The following COPG2 variants were observed in gnomAD, a reference collection of about 807,000 sequenced individuals.
The protein encoded by COPG2 is coatomer subunit gamma-2.
A neutral mutation model predicts 46.3 loss-of-function variants in COPG2; 37 were observed. The observed-to-expected ratio is 0.80, with a 90% CI of 0.61 to 1.05. The LOEUF (loss-of-function observed/expected upper bound fraction) is 1.05, where lower values mean the gene tolerates loss of function less well. COPG2 is among the 50% of genes least tolerant of loss of function. COPG2 has a pLI of 0.00. For synonymous variants in COPG2, 159 were observed against 129.7 expected (o/e 1.23, Z -1.53); for missense variants, 427 against 387.8 (o/e 1.10, Z -0.85).
intron 20 of COPG2, among the ~76,000 whole-genome samples, chr7:130,523,621 G>T (rs1447967020): frequency 6.6e-6 from 1 of 152,202 alleles, no homozygotes; most frequent in Non-Finnish European, 1.5e-5. Context: ...TAGCTGAAAA[G>T]GCAATGGGAC....
intron 5 of COPG2, among the ~76,000 whole-genome samples, chr7:130,642,024 T>G (rs1795499928): frequency 6.6e-6 from 1 of 152,176 alleles, no homozygotes; most frequent in South Asian, 2.1e-4. Flanking sequence ...CTAATGTGAG[T>G]GATGGATCAT....
At chr7:130,522,695 G>T (rs991102734) in intron 20 of COPG2, among the ~76,000 whole-genome samples, 5 of 151,998 alleles carry the variant, frequency 3.3e-5, no homozygotes, top group Admixed American at 3.3e-4. Flanking sequence ...TGCTTCCATG[G>T]GAAGACTACC....
At chr7:130,631,339 G>A (rs1008725116) in intron 5 of COPG2, among the ~76,000 whole-genome samples, 4 of 151,864 alleles carry the variant, frequency 2.6e-5, no homozygotes, top group Non-Finnish European at 5.9e-5. Context: ...TGTATTCTTA[G>A]TAGAGATGGG....
chr7:130,655,723 C>A (rs1194685841), intron 4 of COPG2, among the ~76,000 whole-genome samples: 4 of 152,164 alleles, frequency 2.6e-5, no homozygotes, highest in African/African-American at 9.7e-5. Context: ...TGATCTAGTA[C>A]AATCCTAGGG....
At position 130,564,260 on chromosome 7, in the gene COPG2, C is replaced by A. The variant is rs911362493; in HGVS notation, c.871G>T (p.Val291Phe). ...GCCAGCCATCAAATATAAAACAAAC[C>A]TGAAACAGCAGGTGCCAACTCTCTT... The part of the protein sequence containing the change: ...TARELAPAVS[V>F]LQLFCSSPKP... Residue 291 changes from valine (V) to phenylalanine (F), a missense_variant and splice_region_variant, in exon 10 of 24, where the codon GTT (valine) becomes TTT (phenylalanine). Val to Phe is a conservative substitution (Grantham distance 50). Coordinates refer to ENST00000425248, the MANE Select transcript of COPG2 (RefSeq NM_012133.6). 1 of 398,476 alleles carries A rather than the reference C, an allele frequency of 2.5e-6. No individual in the cohort carries two copies. Among genetic ancestry groups the A allele is most frequent in the Non-Finnish European group, 4.4e-6 (1 of 226,020 alleles). 24.7% of individuals were successfully genotyped at this position (398,476 alleles called of 1,614,324 possible). A position where few individuals can be genotyped will look rare whatever the true frequency, so the allele number is the denominator to read the frequency against.
At chr7:130,539,552 A>C (rs2116368887) in intron 20 of COPG2, among the ~76,000 whole-genome samples, 1 of 152,232 alleles carries the variant, frequency 6.6e-6, no homozygotes, top group East Asian at 1.9e-4. Flanking sequence ...TGACTGAGTC[A>C]GATGAAGCGA....
At chr7:130,561,294 G>A (rs2116401821) in intron 11 of COPG2, 73 bp from the exon 12 acceptor site, 1 of 397,922 alleles carries the variant, frequency 2.5e-6, no homozygotes, top group Non-Finnish European at 4.4e-6. Flanking sequence ...TTTAATTGAG[G>A]TAAGTGGCAA....
chr7:130,607,590 T>C (rs1794758866), intron 9 of COPG2: 1 of 455,888 alleles, frequency 2.2e-6, no homozygotes, highest in Admixed American at 2.5e-5. Flanking sequence ...TTACAACTAC[T>C]GCTTTTGGCA....
Position 130,515,053 on chromosome 7 carries a change from T to C in COPG2, c.2150-6394A>G, listed in dbSNP as rs972910407. ...GGAGAAGTTGAAGAGCAATGCTTCT[T>C]AGAATGTGTTACATGGCACTATCTA... On this transcript the variant is annotated intron_variant, in intron 20 of 23. Transcript: ENST00000425248. Among the ~76,000 whole-genome samples the C allele has an allele frequency of 7.8e-3, 1,181 of 152,318 alleles. 17 individuals are homozygous for C. The highest frequency in any genetic ancestry group is 0.026 in the African/African-American group (1,074 of 41,544).
chr7:130,595,509 A>T (rs1322289334), intron 9 of COPG2, among the ~76,000 whole-genome samples: 1 of 152,248 alleles, frequency 6.6e-6, no homozygotes, highest in Non-Finnish European at 1.5e-5. Flanking sequence ...ATGGTTTATG[A>T]GTTACATCTC....
intron 5 of COPG2, among the ~76,000 whole-genome samples, chr7:130,648,745 T>G (rs1328481143): frequency 6.6e-6 from 1 of 152,258 alleles, no homozygotes; most frequent in Non-Finnish European, 1.5e-5. Context: ...TGTAAAGTTC[T>G]CAGTTCCACC....
intron 20 of COPG2, among the ~76,000 whole-genome samples, chr7:130,522,066 G>T (rs1799728558): frequency 2.6e-5 from 4 of 152,150 alleles, no homozygotes; most frequent in Non-Finnish European, 4.4e-5. Flanking sequence ...GAATTGAAGG[G>T]TGCACATCCA....
At chr7:130,624,926 C>A (rs1478363636) in intron 5 of COPG2, among the ~76,000 whole-genome samples, 2 of 152,114 alleles carry the variant, frequency 1.3e-5, no homozygotes, top group African/African-American at 4.8e-5. Flanking sequence ...CGAGTAGATA[C>A]CCAGTAGTGG....
chr7:130,561,684 C>G (rs1449135207), intron 11 of COPG2, among the ~76,000 whole-genome samples: 1 of 152,174 alleles, frequency 6.6e-6, no homozygotes, highest in East Asian at 1.9e-4. Flanking sequence ...CATTCTCCTG[C>G]ATCCTTGTTT....
At chr7:130,510,306 T>C (rs969313005) in intron 20 of COPG2, 46 of 493,356 alleles carry the variant, frequency 9.3e-5, no homozygotes, top group South Asian at 6.1e-4. Context: ...CCATTAGGGG[T>C]TGAGAAAAGA....
At chr7:130,574,263 A>G (rs1793965802) in intron 9 of COPG2, among the ~76,000 whole-genome samples, 1 of 152,224 alleles carries the variant, frequency 6.6e-6, no homozygotes, top group Admixed American at 6.5e-5. Context: ...GTGAAAGAGC[A>G]TAAAGTTAAA....
intron 5 of COPG2, among the ~76,000 whole-genome samples, chr7:130,645,875 G>A (rs1554458105): frequency 1.3e-5 from 2 of 152,242 alleles, no homozygotes. Context: ...TCCAGAAAGT[G>A]AACAAGCAAA....
At chr7:130,633,987 C>T (rs1230533288) in intron 5 of COPG2, among the ~76,000 whole-genome samples, 1 of 152,124 alleles carries the variant, frequency 6.6e-6, no homozygotes, top group Non-Finnish European at 1.5e-5. Flanking sequence ...ATCCTTTCCC[C>T]ATTGCTTGTT....
chr7:130,635,817 TC>T (rs1330370290), intron 5 of COPG2, among the ~76,000 whole-genome samples: 1 of 152,206 alleles, frequency 6.6e-6, no homozygotes, highest in Admixed American at 6.5e-5. Flanking sequence ...TTTAGATCTT[TC>T]CTGCTTTCTC....
Sources: gnomAD v4.1 joint callset for allele counts (sites outside exome capture counted in the v4.1 genomes callset) on GRCh38, gnomAD v4.1.1 for gene constraint, MANE v1.5 for transcripts, NCBI Gene and HGNC (gene_info 2026-07-23, HGNC 2026-07-21) for gene names.